The following TIAM2 variants were observed in gnomAD, a reference collection of about 807,000 sequenced individuals.
TIAM2 encodes TIAM Rac1 associated GEF 2.
A neutral mutation model predicts 152.9 loss-of-function variants in TIAM2; 80 were observed. The observed-to-expected ratio is 0.52, with a 90% CI of 0.44 to 0.63. The LOEUF (loss-of-function observed/expected upper bound fraction) is 0.63. TIAM2 is among the 30% of genes least tolerant of loss of function. TIAM2 has a pLI of 0.00. For synonymous variants in TIAM2, 804 were observed against 838.0 expected, an observed-to-expected ratio of 0.96 and a Z score of 0.70; for missense variants, 1,965 against 2,120.1, an observed-to-expected ratio of 0.93 and a Z score of 1.44.
chr6:155,237,546 A>C (rs1782829975), intron 15 of TIAM2, among the ~76,000 whole-genome samples: 1 of 152,358 alleles, frequency 6.6e-6, no homozygotes, highest in South Asian at 2.1e-4. Flanking sequence ...GTTCTCCATG[A>C]GAGCCCTGCC....
At position 155,182,340 on chromosome 6, in the gene TIAM2, CCT is replaced by C. The variant is rs770960155; in HGVS notation, c.2800+23_2800+24del. The C allele has an allele frequency of 2.1e-5, 33 of 1,573,762 alleles. No homozygotes were observed. The African/African-American group carries it at 3.2e-4, about 15-fold the overall frequency. On this transcript the variant is annotated intron_variant, in intron 13 of 26. Coordinates refer to ENST00000682666, the MANE Select transcript of TIAM2 (RefSeq NM_012454.4). ...GAAGGTCCGTGTGGCACACCGTGCCCCTGTTGCCTCTTAATTTGAAACTGTGG... is the reference window on the plus strand; with the variant it reads ...GAAGGTCCGTGTGGCACACCGTGCCCGTTGCCTCTTAATTTGAAACTGTGG...
chr6:155,247,968 T>A (rs1354421763), intron 19 of TIAM2, 32 bp from the exon 20 acceptor site: 1 of 1,601,370 alleles, frequency 6.2e-7, no homozygotes, highest in Admixed American at 1.7e-5. Context: ...CCCACTGTGC[T>A]CTTCTGAGGT....
intron 7 of TIAM2, among the ~76,000 whole-genome samples, chr6:155,161,849 A>C (rs773580322): frequency 1.1e-4 from 16 of 151,974 alleles, no homozygotes; most frequent in Non-Finnish European, 2.1e-4. Flanking sequence ...AAGTGCTGGG[A>C]TTACAGACGT....
At chr6:155,033,261 C>T (rs1776858130) in intron 1 of TIAM2, among the ~76,000 whole-genome samples, 2 of 152,182 alleles carry the variant, frequency 1.3e-5, no homozygotes, top group Middle Eastern at 3.2e-3. Context: ...GATGTAACCA[C>T]TGGGCTACTT....
intron 2 of TIAM2, among the ~76,000 whole-genome samples, chr6:155,093,057 A>G (rs1778339071): frequency 6.6e-6 from 1 of 152,224 alleles, no homozygotes; most frequent in African/African-American, 2.4e-5. Flanking sequence ...GTTTGCAAAC[A>G]TGCCATTTTC....
At chr6:155,095,586 G>A (rs937797112) in intron 2 of TIAM2, among the ~76,000 whole-genome samples, 30 of 152,144 alleles carry the variant, frequency 2.0e-4, no homozygotes, top group African/African-American at 4.6e-4. Context: ...TGAACTTTCC[G>A]TCACTCAATG....
intron 9 of TIAM2, among the ~76,000 whole-genome samples, chr6:155,169,971 A>C (rs1780543710): frequency 6.6e-6 from 1 of 152,094 alleles, no homozygotes; most frequent in Non-Finnish European, 1.5e-5. Flanking sequence ...GGCACCTGCC[A>C]CCAAGGCTGG....
At chr6:154,996,845 T>C (rs1272807624) in intron 1 of TIAM2, among the ~76,000 whole-genome samples, 4 of 152,216 alleles carry the variant, frequency 2.6e-5, no homozygotes, top group African/African-American at 9.7e-5. Context: ...GCTCACTTTA[T>C]AGGAAAATAA....
chr6:155,016,653 C>A (rs969863035), intron 1 of TIAM2, among the ~76,000 whole-genome samples: 1 of 146,058 alleles, frequency 6.8e-6, no homozygotes, highest in Non-Finnish European at 1.5e-5. Flanking sequence ...AATCCCAGAA[C>A]TTTAGGAGGC....
intron 1 of TIAM2, among the ~76,000 whole-genome samples, chr6:155,060,182 T>A (rs181601387): frequency 6.6e-6 from 1 of 152,206 alleles, no homozygotes; most frequent in African/African-American, 2.4e-5. Context: ...GGTGGGCAAA[T>A]CACCTGAGGT....
At chr6:155,063,013 G>A (rs1286233057) in intron 1 of TIAM2, among the ~76,000 whole-genome samples, 15 of 152,018 alleles carry the variant, frequency 9.9e-5, no homozygotes, top group Non-Finnish European at 2.1e-4. Flanking sequence ...CTGGGTTGTT[G>A]GTTTTCTTAT....
In TIAM2 at chr6:155,130,167, G is replaced by C; in HGVS notation, c.944G>C (p.Gly315Ala). The C allele has an allele frequency of 6.2e-7, 1 of 1,614,116 alleles. No individual in the cohort carries two copies. Among genetic ancestry groups the C allele is most frequent in the Non-Finnish European group, 8.5e-7 (1 of 1,180,034 alleles). Reference protein sequence around the residue: ...DANLGSLSPSGIRLSDEYMGT... With the variant: ...DANLGSLSPSAIRLSDEYMGT... ...AACCTGGGGAGCCTCTCCCCCTCAG[G>C]TATCCGCCTTTCTGATGAATACATG... The change falls in exon 4 of 27, where the codon GGT becomes GCT. Residue 315 changes from glycine to alanine, a missense_variant. Physicochemically the swap from Gly to Ala is moderately conservative, Grantham distance 60. Around this residue, in one of 3 missense-constraint regions of TIAM2, gnomAD observed 1,025 missense variants for 1,119.4 expected, o/e 0.92. Coordinates refer to ENST00000682666, the MANE Select transcript of TIAM2 (RefSeq NM_012454.4).
intron 15 of TIAM2, among the ~76,000 whole-genome samples, chr6:155,229,410 C>G (rs190247042): frequency 6.6e-6 from 1 of 152,320 alleles, no homozygotes; most frequent in African/African-American, 2.4e-5. Flanking sequence ...TTTGTGGAAT[C>G]CTTGTACTAT....
chr6:155,183,777 G>T (rs1780968979), intron 14 of TIAM2, among the ~76,000 whole-genome samples: 1 of 152,010 alleles, frequency 6.6e-6, no homozygotes, highest in Non-Finnish European at 1.5e-5. Flanking sequence ...ATAATGTTTA[G>T]TCTTGTAGTT....
intron 15 of TIAM2, among the ~76,000 whole-genome samples, chr6:155,236,108 C>T (rs573720243): frequency 3.3e-5 from 5 of 151,834 alleles, no homozygotes; most frequent in African/African-American, 7.3e-5. Flanking sequence ...TCTTGGAGTC[C>T]GAGTATTATC....
chr6:155,053,006 A>G lies in TIAM2; in HGVS notation c.-208-37283A>G, dbSNP rs111365724. 8.1e-3 allele frequency among the ~76,000 whole-genome samples: 1,132 copies of G among 140,392 alleles called. 8 individuals are homozygous for G. The highest frequency in any genetic ancestry group is 0.014 in the African/African-American group (558 of 40,666). The allele number at this position is 140,392 out of a possible 152,430, so 92.1% of individuals were successfully genotyped here. ...CTGTTGAATGAATGTGTATGAATAA[A>G]TCAAATTTGTTTCTTAAAGCAACGT... On this transcript the variant is annotated intron_variant, in intron 1 of 26. Transcript: ENST00000682666.
intron 14 of TIAM2, among the ~76,000 whole-genome samples, chr6:155,188,148 T>C (rs1583238294): frequency 6.6e-6 from 1 of 152,216 alleles, no homozygotes; most frequent in African/African-American, 2.4e-5. Context: ...TCTTAGGAAT[T>C]GTGTGTCCCA....
chr6:155,185,419 G>A (rs954863874), intron 14 of TIAM2, among the ~76,000 whole-genome samples: 4 of 151,948 alleles, frequency 2.6e-5, no homozygotes, highest in Middle Eastern at 3.4e-3. Flanking sequence ...AAGCAACCGC[G>A]CCCGGCTGTT....
intron 1 of TIAM2, among the ~76,000 whole-genome samples, chr6:155,019,287 T>C (rs1279393433): frequency 6.6e-6 from 1 of 151,816 alleles, no homozygotes; most frequent in African/African-American, 2.4e-5. Flanking sequence ...TGAGCTGAGA[T>C]TGGGCCACTG....
Sources: allele counts gnomAD v4.1 joint callset (sites outside exome capture counted in the v4.1 genomes callset), GRCh38; gene constraint gnomAD v4.1.1; regional missense constraint gnomAD v4.1.1; transcripts MANE v1.5; gene names NCBI Gene and HGNC (gene_info 2026-07-23, HGNC 2026-07-21).